The following NALF1 variants were observed in gnomAD, a reference collection of about 807,000 sequenced individuals.
NALF1 encodes NALCN channel auxiliary factor 1, also known as family with sequence similarity 155 member A.
NALF1 carries 3 observed loss-of-function variants against 48.4 expected under a neutral mutation model. The observed-to-expected ratio is 0.06, with a 90% CI of 0.03 to 0.16. The LOEUF (loss-of-function observed/expected upper bound fraction) is 0.16, where lower values mean the gene tolerates loss of function less well. NALF1 is among the 10% of genes least tolerant of loss of function. The probability of loss-of-function intolerance (pLI) is 1.00; values close to 1 mark genes in which losing one functional copy is unlikely to be tolerated. For missense variants in NALF1, 526 were observed against 571.5 expected (o/e 0.92, Z 0.81); for synonymous variants, 262 against 245.7 (o/e 1.07, Z -0.62).
At chr13:107,633,068 C>A (rs1254254125) in intron 1 of NALF1, among the ~76,000 whole-genome samples, 1 of 151,832 alleles carries the variant, frequency 6.6e-6, no homozygotes, top group Non-Finnish European at 1.5e-5. Flanking sequence ...AATTCATGCC[C>A]CTCTTTTTTG....
chr13:107,277,741 A>C (rs1400196035), intron 1 of NALF1, among the ~76,000 whole-genome samples: 1 of 152,214 alleles, frequency 6.6e-6, no homozygotes, highest in Non-Finnish European at 1.5e-5. Context: ...TAGCTTTTTA[A>C]TTACTCATCT....
Position 107,305,208 on chromosome 13 carries a change from T to C in NALF1, c.916-94453A>G, listed in dbSNP as rs143300462. On this transcript the variant is annotated intron_variant, in intron 1 of 2. Coordinates refer to ENST00000375915, the MANE Select transcript of NALF1 (RefSeq NM_001080396.3). Reference sequence around the variant, plus strand: ...CTACAATGTGTCCAACACTTTGCTTTAGGGACCCCCAAAAAGCATATTTTT... The same window carrying C: ...CTACAATGTGTCCAACACTTTGCTTCAGGGACCCCCAAAAAGCATATTTTT... Among the ~76,000 whole-genome samples the C allele has an allele frequency of 2.6e-5, 4 of 152,328 alleles. No individual in the cohort carries two copies. The East Asian group carries it at 7.7e-4, about 29-fold the overall frequency.
At chr13:107,708,917 G>A (rs1408729451) in intron 1 of NALF1, among the ~76,000 whole-genome samples, 1 of 152,112 alleles carries the variant, frequency 6.6e-6, no homozygotes, top group Non-Finnish European at 1.5e-5. Context: ...TCTAAGTAAA[G>A]TGTGTTTATC....
intron 1 of NALF1, among the ~76,000 whole-genome samples, chr13:107,591,809 TTGTC>T (rs1230395946): frequency 6.6e-6 from 1 of 152,036 alleles, no homozygotes; most frequent in Non-Finnish European, 1.5e-5. Flanking sequence ...AAATTAAACA[TTGTC>T]TGAACATTTT....
chr13:107,717,634 C>T (rs1875861104), intron 1 of NALF1, among the ~76,000 whole-genome samples: 1 of 151,672 alleles, frequency 6.6e-6, no homozygotes, highest in South Asian at 2.1e-4. Flanking sequence ...ATGCATCAGT[C>T]TTAATCTACA....
intron 1 of NALF1, among the ~76,000 whole-genome samples, chr13:107,839,542 T>C (rs1176419593): frequency 6.6e-6 from 1 of 150,664 alleles, no homozygotes; most frequent in Non-Finnish European, 1.5e-5. Context: ...CACTGTCTGA[T>C]ATAAGTTCAA....
At chr13:107,263,627 G>C (rs1358791461) in intron 1 of NALF1, among the ~76,000 whole-genome samples, 2 of 151,998 alleles carry the variant, frequency 1.3e-5, no homozygotes, top group African/African-American at 4.8e-5. Flanking sequence ...CTTTCATTTG[G>C]TTCTCATTCT....
chr13:107,762,731 A>G (rs1877303119), intron 1 of NALF1, among the ~76,000 whole-genome samples: 1 of 152,176 alleles, frequency 6.6e-6, no homozygotes, highest in African/African-American at 2.4e-5. Context: ...GCAAGATGAA[A>G]AAGTTATAGA....
At chr13:107,725,473 C>T (rs1002327981) in intron 1 of NALF1, among the ~76,000 whole-genome samples, 1 of 152,118 alleles carries the variant, frequency 6.6e-6, no homozygotes, top group East Asian at 1.9e-4. Flanking sequence ...TTTGGGAGAC[C>T]GAGGTGGGCA....
At chr13:107,271,933 T>C (rs1264032548) in intron 1 of NALF1, among the ~76,000 whole-genome samples, 1 of 151,318 alleles carries the variant, frequency 6.6e-6, no homozygotes, top group Non-Finnish European at 1.5e-5. Flanking sequence ...CACATAACTC[T>C]CTATATGTTA....
chr13:107,720,992 G>A, intron 1 of NALF1, among the ~76,000 whole-genome samples: 1 of 152,102 alleles, frequency 6.6e-6, no homozygotes, highest in Admixed American at 6.5e-5. Context: ...CCATATGGAT[G>A]TCAAGGCTCT....
chr13:107,825,034 C>T (rs1464896236), intron 1 of NALF1, among the ~76,000 whole-genome samples: 1 of 152,032 alleles, frequency 6.6e-6, no homozygotes, highest in Non-Finnish European at 1.5e-5. Flanking sequence ...AGTTTATATT[C>T]CAATAGTATT....
chr13:107,172,152 A>G (rs1319170906), intron 2 of NALF1, among the ~76,000 whole-genome samples: 1 of 152,158 alleles, frequency 6.6e-6, no homozygotes, highest in Admixed American at 6.5e-5. Context: ...ATTCCTCTAC[A>G]TACTTCTCAT....
At chr13:107,265,994 C>A (rs1881031222) in intron 1 of NALF1, among the ~76,000 whole-genome samples, 1 of 152,200 alleles carries the variant, frequency 6.6e-6, no homozygotes, top group African/African-American at 2.4e-5. Flanking sequence ...TTTCTTCTCT[C>A]AAGCTTCCTG....
In NALF1 at chr13:107,167,692, C is replaced by G. The variant is rs897627309; in HGVS notation, c.*2805G>C. On this transcript the variant is annotated 3_prime_UTR_variant, in exon 3 of 3. Coordinates refer to ENST00000375915, the MANE Select transcript of NALF1 (RefSeq NM_001080396.3). ...TCCCTCCTTACCGTTCCTTCCTCACCTAAATTATCACTTTATATTTACAAT... is the reference window on the plus strand; with the variant it reads ...TCCCTCCTTACCGTTCCTTCCTCACGTAAATTATCACTTTATATTTACAAT... 4 of 152,036 alleles carry G rather than the reference C, an allele frequency of 2.6e-5. No homozygotes were observed. The East Asian group carries it at 7.8e-4, about 30-fold the overall frequency. 9.4% of individuals were successfully genotyped at this position (152,036 alleles called of 1,614,324 possible).
intron 1 of NALF1, among the ~76,000 whole-genome samples, chr13:107,767,191 A>C (rs1006620839): frequency 2.6e-5 from 4 of 152,220 alleles, no homozygotes; most frequent in African/African-American, 9.7e-5. Flanking sequence ...TAAATCATTA[A>C]CAACATTGAA....
At chr13:107,661,735 C>T (rs1880739784) in intron 1 of NALF1, among the ~76,000 whole-genome samples, 1 of 152,050 alleles carries the variant, frequency 6.6e-6, no homozygotes. Flanking sequence ...TTCTCCAGCC[C>T]AATTCACATT....
chr13:107,786,734 GA>G (rs1361695658), intron 1 of NALF1, among the ~76,000 whole-genome samples: 2 of 149,552 alleles, frequency 1.3e-5, no homozygotes. Context: ...CCCCATCTCA[GA>G]AAAAAAAAGA....
intron 1 of NALF1, among the ~76,000 whole-genome samples, chr13:107,218,503 C>A (rs1879923487): frequency 6.6e-6 from 1 of 152,118 alleles, no homozygotes; most frequent in African/African-American, 2.4e-5. Context: ...GAGATCCTGC[C>A]CAGAGCAGAG....
Sources: gnomAD v4.1 joint callset for allele counts (sites outside exome capture counted in the v4.1 genomes callset) on GRCh38, gnomAD v4.1.1 for gene constraint, MANE v1.5 for transcripts, NCBI Gene and HGNC (gene_info 2026-07-23, HGNC 2026-07-21) for gene names.